SLITRK5: variants seen among roughly 807,000 people sequenced by gnomAD.
SLITRK5 encodes SLIT and NTRK-like protein 5.
Under a neutral mutation model 56.2 loss-of-function variants are expected in SLITRK5, and 23 were observed. That is an observed-to-expected ratio of 0.41 (90% CI 0.29 to 0.58). SLITRK5 has a LOEUF of 0.58. Among genes scored for constraint, SLITRK5 ranks in the 20% least tolerant of loss-of-function variants. The pLI, the probability that SLITRK5 is intolerant of heterozygous loss-of-function variation, is 0.30. For missense variants in SLITRK5, 1,289 were observed against 1,226.6 expected (o/e 1.05, Z -0.76); for synonymous variants, 637 against 531.8 (o/e 1.20, Z -2.72).
At chr13:87,672,259 C>T (rs1877065037) in intron 1 of SLITRK5, among the ~76,000 whole-genome samples, 50 bp downstream of exon 1, 1 of 152,114 alleles carries the variant, frequency 6.6e-6, no homozygotes, top group South Asian at 2.1e-4. Context: ...CCAGGGACCC[C>T]GCGATCGCGC....
rs1402384089 is a variant in SLITRK5, at chr13:87,671,831, G to T, written c.-387G>T. 6.6e-6 allele frequency among the ~76,000 whole-genome samples: 1 copy of T among 152,162 alleles called. No individual in the cohort carries two copies. Among genetic ancestry groups the T allele is most frequent in the South Asian group, 2.1e-4 (1 of 4,818 alleles). The stretch of plus-strand genomic sequence containing the variant: ...GGCTCGGCGCGGAGACAGCGTCGGC[G>T]GGATCCCAGCGCGGTGGTCGCCGCT... On this transcript the variant is annotated 5_prime_UTR_variant, in exon 1 of 2. Transcript: ENST00000683689.
At position 87,676,825 on chromosome 13, in the gene SLITRK5, C is replaced by T. The variant is rs1877299031; in HGVS notation, c.1437C>T (p.Gly479=). The T allele has an allele frequency of 1.4e-5, 22 of 1,614,080 alleles. No homozygotes were observed. The highest frequency in any genetic ancestry group is 1.7e-5 in the Non-Finnish European group (20 of 1,180,020). ...IERLSPELFY[G]LQSLQYLFLQ... is the part of the protein sequence containing the mutation. ...GGCTGAGCCCGGAGTTATTCTATGG[C>T]CTGCAGAGCCTGCAGTATCTCTTCC... Residue 479 remains glycine (G), a synonymous_variant, in exon 2 of 2, where the codon GGC becomes GGT. Transcript: ENST00000683689.
chr13:87,676,981 C>T lies in SLITRK5; in HGVS notation c.1593C>T (p.Leu531=). The part of the protein sequence containing the change: ...PSGVFSGLTL[L]RLNLRSNHFT... ...GCGTCTTCTCTGGCTTGACCCTCCT[C>T]AGGCTAAACCTGAGGAGTAACCACT... is the stretch of plus-strand genomic sequence containing the variant. Residue 531 remains leucine (L), a synonymous_variant, in exon 2 of 2, where the codon CTC becomes CTT. Transcript: ENST00000683689. The T allele has an allele frequency of 3.7e-6, 6 of 1,614,168 alleles. No homozygotes were observed. The highest frequency in any genetic ancestry group is 5.1e-6 in the Non-Finnish European group (6 of 1,180,042).
At chr13:87,672,583 CGGAGAGCACCGG>C (rs1877081432) in intron 1 of SLITRK5, 1 of 151,808 alleles carries the variant, frequency 6.6e-6, no homozygotes, top group South Asian at 2.1e-4. Context: ...CCGACTACCG[CGGAGAGCACCGG>C]GGAGAGCCTT....
At chr13:87,672,827 T>C (rs1488705778) in intron 1 of SLITRK5, 1 of 157,016 alleles carries the variant, frequency 6.4e-6, no homozygotes, top group Admixed American at 6.5e-5. Flanking sequence ...TGAGACTGGG[T>C]AAGTCTATCG....
chr13:87,677,198 C>A lies in SLITRK5; in HGVS notation c.1810C>A (p.Arg604Ser), dbSNP rs371327441. 4.3e-6 allele frequency: 7 copies of A among 1,614,134 alleles called. No homozygotes were observed. The highest frequency in any genetic ancestry group is 5.9e-6 in the Non-Finnish European group (7 of 1,180,028). ...CAAAAAATTCGCTGAGACCGACATGCGCTCCATTAAGTCGGAGCTGCTGTG... is the reference window on the plus strand; with the variant it reads ...CAAAAAATTCGCTGAGACCGACATGAGCTCCATTAAGTCGGAGCTGCTGTG... ...APKKFAETDMRSIKSELLCPD... is the reference protein window; with the variant it reads ...APKKFAETDMSSIKSELLCPD... The change falls in exon 2 of 2, where the codon CGC becomes AGC. Residue 604 changes from arginine to serine, a missense_variant. By Grantham distance (110) the Arg-to-Ser change is moderately radical (BLOSUM62 -1). Transcript: ENST00000683689. The surrounding 1 kb of genome is among the most constrained non-coding windows in gnomAD (Gnocchi z 4.7).
rs150536521 is a variant in SLITRK5 at position 87,676,802 on chromosome 13, C to T, written c.1414C>T (p.Leu472=). Residue 472 remains leucine (L), a synonymous_variant, in exon 2 of 2, where the codon CTG becomes TTG. Transcript: ENST00000683689. ...CCTGAATGGCAACAGGATCGAGAGG[C>T]TGAGCCCGGAGTTATTCTATGGCCT... ...LYLNGNRIER[L]SPELFYGLQS... is the part of the protein sequence containing the mutation. 2 of 1,614,156 alleles carry T rather than the reference C, an allele frequency of 1.2e-6. No homozygotes were observed. Among genetic ancestry groups the T allele is most frequent in the East Asian group, 2.2e-5 (1 of 44,864 alleles).
At position 87,676,551 on chromosome 13, in the gene SLITRK5, G is replaced by A. The variant is rs1877284446; in HGVS notation, c.1163G>A (p.Gly388Asp). The A allele has an allele frequency of 6.2e-7, 1 of 1,613,978 alleles. No homozygotes were observed. Among genetic ancestry groups the A allele is most frequent in the Admixed American group, 1.7e-5 (1 of 59,990 alleles). ...CSCNLQISDL[G>D]LNVNCQERKI... ...TGCAACCTGCAGATCTCTGATCTGG[G>A]CCTCAACGTAAACTGCCAGGAGCGA... The change falls in exon 2 of 2, where the codon GGC (glycine) becomes GAC (aspartate). Residue 388 changes from glycine to aspartate, a missense_variant. Gly to Asp is a moderately conservative substitution (Grantham distance 94). Around this residue, in one of 3 missense-constraint regions of SLITRK5, gnomAD observed 985 missense variants for 906.0 expected, o/e 1.09. Transcript: ENST00000683689.
rs772526744 is a variant in SLITRK5 at position 87,677,558 on chromosome 13, G to A, written c.2170G>A (p.Gly724Ser). 8.1e-6 allele frequency: 13 copies of A among 1,608,780 alleles called. No homozygotes were observed. The East Asian group carries it at 9.0e-5, about 11-fold the overall frequency. ...YSVYGGGGGT[G>S]GHPHAHVHHR... ...CGTGTACGGCGGCGGCGGCGGCACG[G>A]GCGGCCACCCACACGCGCACGTGCA... Residue 724 changes from glycine (G) to serine (S), a missense_variant, in exon 2 of 2, where the codon GGC (glycine) becomes AGC (serine). Around this residue, in one of 3 missense-constraint regions of SLITRK5, gnomAD observed 985 missense variants for 906.0 expected, o/e 1.09. Transcript: ENST00000683689. This position sits in a 1 kb window ranked among gnomAD's most constrained non-coding sequence, Gnocchi z 4.7.
At chr13:87,673,822 GCTTGAACCCGCT>G (rs1877152020) in intron 1 of SLITRK5, among the ~76,000 whole-genome samples, 1 of 152,108 alleles carries the variant, frequency 6.6e-6, no homozygotes, top group Non-Finnish European at 1.5e-5. Context: ...AGGTCTCCAG[GCTTGAACCCGCT>G]GTCTCGGAAA....
rs751823416 is a variant in SLITRK5, at chr13:87,677,353, C to A, written c.1965C>A (p.Gly655=). 5.6e-6 allele frequency: 9 copies of A among 1,614,044 alleles called. No individual in the cohort carries two copies. The highest frequency in any genetic ancestry group is 4.4e-5 in the South Asian group (4 of 91,072). ...STGAPASLGA[G]GGASSVPLSV... ...GGGCCCCCGCGAGCTTGGGCGCAGG[C>A]GGAGGGGCGTCGTCGGTGCCCTTGT... The change falls in exon 2 of 2, where the codon GGC becomes GGA. Residue 655 remains glycine (G), a synonymous_variant. Transcript: ENST00000683689. This position sits in a 1 kb window ranked among gnomAD's most constrained non-coding sequence, Gnocchi z 4.7.
chr13:87,677,761 C>T lies in SLITRK5; in HGVS notation c.2373C>T (p.His791=). 5.6e-6 allele frequency: 9 copies of T among 1,612,540 alleles called. No individual in the cohort carries two copies. The highest frequency in any genetic ancestry group is 7.6e-6 in the Non-Finnish European group (9 of 1,179,284). ...ELKVTYSSNH[H]LQQQQQPPPP... is the part of the protein sequence containing the mutation. ...AGGTCACCTACAGCAGCAACCACCA[C>T]CTGCAGCAGCAGCAGCAGCCGCCGC... Residue 791 remains histidine, a synonymous_variant, in exon 2 of 2, where the codon CAC becomes CAT. Transcript: ENST00000683689. The surrounding 1 kb of genome is among the most constrained non-coding windows in gnomAD (Gnocchi z 4.7).
rs200102801 is a variant in SLITRK5 at position 87,676,900 on chromosome 13, C to A, written c.1512C>A (p.Val504=). Reference sequence around the variant, plus strand: ...TTCAGTCTGGAACTTTTGACCCGGTCCCAAACCTCCAGCTGCTATTCTTGA... The same window carrying A: ...TTCAGTCTGGAACTTTTGACCCGGTACCAAACCTCCAGCTGCTATTCTTGA... ...REIQSGTFDP[V]PNLQLLFLNN... is the part of the protein sequence containing the mutation. Residue 504 remains valine (V), a synonymous_variant, in exon 2 of 2, where the codon GTC becomes GTA. Transcript: ENST00000683689. 6.2e-7 allele frequency: 1 copy of A among 1,614,016 alleles called. No individual in the cohort carries two copies. The highest frequency in any genetic ancestry group is 1.3e-5 in the African/African-American group (1 of 74,940).
chr13:87,673,191 C>T (rs1877119248), intron 1 of SLITRK5, among the ~76,000 whole-genome samples: 1 of 150,698 alleles, frequency 6.6e-6, no homozygotes, highest in East Asian at 2.0e-4. Context: ...CCCCCGCCCC[C>T]GCCCTCCAGG....
Position 87,676,320 on chromosome 13 carries a change from C to T in SLITRK5, c.932C>T (p.Ala311Val), listed in dbSNP as rs1304445895. 3 of 1,614,124 alleles carry T rather than the reference C, an allele frequency of 1.9e-6. No individual in the cohort carries two copies. Among genetic ancestry groups the T allele is most frequent in the Non-Finnish European group, 2.5e-6 (3 of 1,180,020 alleles). Residue 311 changes from alanine (A) to valine (V), a missense_variant, in exon 2 of 2, where the codon GCG (alanine) becomes GTG (valine). Coordinates refer to ENST00000683689, the MANE Select transcript of SLITRK5 (RefSeq NM_001384609.1). ...ACGGGGTATTTACACACCACCCCGG[C>T]GTCAGTGAATTCTGTGGCCACTTCT... ...STTGYLHTTP[A>V]SVNSVATSSS...
chr13:87,677,991 C>A lies in SLITRK5; in HGVS notation c.2603C>A (p.Thr868Asn), dbSNP rs766698379. The A allele has an allele frequency of 6.2e-7, 1 of 1,614,122 alleles. No homozygotes were observed. The highest frequency in any genetic ancestry group is 1.1e-5 in the South Asian group (1 of 91,090). Residue 868 changes from threonine to asparagine, a missense_variant, in exon 2 of 2, where the codon ACC becomes AAC. Thr to Asn is a moderately conservative substitution (Grantham distance 65). This residue lies in a region of SLITRK5 where 985 missense variants were observed against 906.0 expected (regional missense o/e 1.09). Transcript: ENST00000683689. The surrounding 1 kb of genome is among the most constrained non-coding windows in gnomAD (Gnocchi z 4.7). The stretch of plus-strand genomic sequence containing the variant: ...GAACCAGACAAACACTGCTCCACCA[C>A]CCCCGCCGGCAATAGCCTCCCGGAA... The part of the protein sequence containing the change: ...ILEPDKHCST[T>N]PAGNSLPEYP...
chr13:87,678,501 A>G lies in SLITRK5; in HGVS notation c.*236A>G. The G allele has an allele frequency of 1.8e-6, 1 of 554,390 alleles. No individual in the cohort carries two copies. The highest frequency in any genetic ancestry group is 2.7e-5 in the South Asian group (1 of 36,948). The allele number at this position is 554,390 out of a possible 1,614,324, so 34.3% of individuals were successfully genotyped here. On this transcript the variant is annotated 3_prime_UTR_variant, in exon 2 of 2. Transcript: ENST00000683689. ...CACTTTCTCTTCTTGCGTGTGGGGC[A>G]GGTGTGGAGAAGGGCTTTAAGGAGG...
At chr13:87,674,641 G>T (rs1877192091) in intron 1 of SLITRK5, among the ~76,000 whole-genome samples, 1 of 152,140 alleles carries the variant, frequency 6.6e-6, no homozygotes, top group African/African-American at 2.4e-5. Flanking sequence ...GCTGCTAAGT[G>T]GTACCGTGCA....
intron 1 of SLITRK5, chr13:87,673,581 G>T: frequency 1.6e-6 from 2 of 1,247,950 alleles, no homozygotes; most frequent in Non-Finnish European, 2.1e-6. Context: ...CAAGGTAAAC[G>T]TTTTGCTTTC....
Sources: gnomAD v4.1 joint callset for allele counts (sites outside exome capture counted in the v4.1 genomes callset) on GRCh38, gnomAD v4.1.1 for gene constraint, gnomAD v4.1.1 regional missense constraint, Gnocchi (gnomAD v3.1) non-coding constraint, MANE v1.5 for transcripts, NCBI Gene and HGNC (gene_info 2026-07-23, HGNC 2026-07-21) for gene names.